SYT14: variants seen among roughly 807,000 people sequenced by gnomAD.
SYT14 encodes the protein synaptotagmin-14.
SYT14 carries 32 observed loss-of-function variants against 74.2 expected under a neutral mutation model. The observed-to-expected ratio is 0.43, with a 90% CI of 0.33 to 0.58. The LOEUF (loss-of-function observed/expected upper bound fraction) is 0.58. SYT14 is among the 20% of genes least tolerant of loss of function. The pLI, the probability that SYT14 is intolerant of heterozygous loss-of-function variation, is 0.05. For synonymous variants in SYT14, 298 were observed against 337.7 expected, an observed-to-expected ratio of 0.88 and a Z score of 1.29; for missense variants, 791 against 981.8, an observed-to-expected ratio of 0.81 and a Z score of 2.60.
chr1:210,080,170 A>G (rs528318099), intron 5 of SYT14, among the ~76,000 whole-genome samples: 2 of 152,336 alleles, frequency 1.3e-5, no homozygotes, highest in African/African-American at 4.8e-5. Context: ...ATGGATTTGA[A>G]ATATCTACTC....
rs1460731332 is a variant in SYT14 at position 210,121,710 on chromosome 1, C to T, written c.2034+21249C>T. On this transcript the variant is annotated intron_variant, in intron 7 of 9. Coordinates refer to ENST00000637265, the Ensembl canonical transcript of SYT14. Reference sequence around the variant, plus strand: ...TCGGGAGGCTGAGGCAGGAGAATGGCGTGAACCCAGGAGGCAGAGCTTGCA... The same window carrying T: ...TCGGGAGGCTGAGGCAGGAGAATGGTGTGAACCCAGGAGGCAGAGCTTGCA... Among the ~76,000 whole-genome samples the T allele has an allele frequency of 6.0e-5, 9 of 151,114 alleles. No homozygotes were observed. In the South Asian group the frequency reaches 8.4e-4, roughly 14 times the overall value.
At chr1:209,968,912 T>G (rs937491015) in intron 2 of SYT14, among the ~76,000 whole-genome samples, 5 of 152,036 alleles carry the variant, frequency 3.3e-5, no homozygotes, top group African/African-American at 1.2e-4. Flanking sequence ...TCCCCACTCT[T>G]ATAGTCCCCA....
At chr1:210,045,042 G>T (rs1015943091) in intron 5 of SYT14, among the ~76,000 whole-genome samples, 1 of 152,052 alleles carries the variant, frequency 6.6e-6, no homozygotes. Flanking sequence ...ATTTGAGGGG[G>T]ACAGACATCC....
intron 8 of SYT14, among the ~76,000 whole-genome samples, chr1:210,158,367 A>T (rs2083309157): frequency 6.6e-6 from 1 of 152,194 alleles, no homozygotes; most frequent in Non-Finnish European, 1.5e-5. Context: ...GATTGTTAGC[A>T]CTGTGTTGGA....
chr1:209,971,212 C>G (rs995946576), intron 2 of SYT14, among the ~76,000 whole-genome samples: 2 of 152,044 alleles, frequency 1.3e-5, no homozygotes, highest in Non-Finnish European at 2.9e-5. Context: ...AGAAATGCTG[C>G]CGATTTTTGT....
intron 7 of SYT14, among the ~76,000 whole-genome samples, chr1:210,122,581 G>A (rs1001717920): frequency 1.5e-4 from 23 of 149,962 alleles, no homozygotes; most frequent in African/African-American, 5.1e-4. Flanking sequence ...TTTTTTTTTA[G>A]GTTCCACATA....
At chr1:209,958,359 G>C (rs1223543271) in intron 2 of SYT14, among the ~76,000 whole-genome samples, 1 of 151,592 alleles carries the variant, frequency 6.6e-6, no homozygotes, top group African/African-American at 2.4e-5. Flanking sequence ...TAATGTTATA[G>C]CTATTTCTGG....
chr1:210,088,702 G>A (rs2081795013), intron 5 of SYT14, among the ~76,000 whole-genome samples: 1 of 151,760 alleles, frequency 6.6e-6, no homozygotes, highest in Non-Finnish European at 1.5e-5. Flanking sequence ...GGATGAAGCT[G>A]GAAACCATCA....
rs67430639 is a variant in SYT14, at chr1:210,124,244, G to GAAA, written c.2034+23792_2034+23794dup. ...AACCCATTAATTAGAAGACAGAAAT[G>GAAA]AAAAAAAAAAATAAATAAATAACTC... On this transcript the variant is annotated intron_variant, in intron 7 of 9. Coordinates refer to ENST00000637265, the Ensembl canonical transcript of SYT14. 4.3e-5 allele frequency among the ~76,000 whole-genome samples: 6 copies of GAAA among 140,258 alleles called. No individual in the cohort carries two copies. In the East Asian group the frequency reaches 6.0e-4, roughly 14 times the overall value. The allele number at this position is 140,258 out of a possible 152,430, so 92.0% of individuals were successfully genotyped here.
chr1:209,977,556 A>G (rs2079391053), intron 2 of SYT14, among the ~76,000 whole-genome samples: 1 of 152,098 alleles, frequency 6.6e-6, no homozygotes, highest in Non-Finnish European at 1.5e-5. Context: ...TGGCTTGTAG[A>G]GTTTCTGCCG....
chr1:210,094,837 G>GT (rs934902176), intron 6 of SYT14, among the ~76,000 whole-genome samples: 1 of 149,590 alleles, frequency 6.7e-6, no homozygotes, highest in South Asian at 2.2e-4. Context: ...ACCTAAAGAT[G>GT]TTTTTTTTAA....
In SYT14 at chr1:210,002,606, A is replaced by T. The variant is rs1332678518; in HGVS notation, c.-485-11027A>T. Among the ~76,000 whole-genome samples the T allele has an allele frequency of 1.6e-4, 25 of 152,110 alleles. 1 individual carries two copies. The highest frequency in any genetic ancestry group is 1.6e-3 in the Admixed American group (25 of 15,266). ...TTCCAATTGCTCCACTTCCTAACGA[A>T]TACTTCATATTACAAGATCTAAATT... is the stretch of plus-strand genomic sequence containing the variant. On this transcript the variant is annotated intron_variant, in intron 2 of 9. Coordinates refer to ENST00000637265, the Ensembl canonical transcript of SYT14.
chr1:209,995,854 G>C (rs901079529), intron 2 of SYT14, among the ~76,000 whole-genome samples: 1 of 151,000 alleles, frequency 6.6e-6, no homozygotes, highest in Non-Finnish European at 1.5e-5. Context: ...ACAAGTACAT[G>C]GAAATTAAAC....
chr1:209,946,344 A>C (rs2078823435), intron 1 of SYT14, among the ~76,000 whole-genome samples: 1 of 152,232 alleles, frequency 6.6e-6, no homozygotes, highest in Non-Finnish European at 1.5e-5. Context: ...CAGTAGGTGA[A>C]GTTGTGAATG....
intron 5 of SYT14, among the ~76,000 whole-genome samples, chr1:210,089,252 G>A (rs933930012): frequency 4.6e-5 from 7 of 152,270 alleles, no homozygotes; most frequent in Middle Eastern, 6.8e-3. Context: ...GTGTATTTGT[G>A]CCACATTTTC....
chr1:210,128,063 A>G (rs908520639), intron 7 of SYT14, among the ~76,000 whole-genome samples: 1 of 151,310 alleles, frequency 6.6e-6, no homozygotes, highest in Non-Finnish European at 1.5e-5. Flanking sequence ...ATCTATGACT[A>G]TTAATTATTT....
At chr1:210,115,711 T>A (rs1418237324) in intron 7 of SYT14, among the ~76,000 whole-genome samples, 1 of 151,064 alleles carries the variant, frequency 6.6e-6, no homozygotes, top group East Asian at 1.9e-4. Flanking sequence ...CGATTTAAAA[T>A]TGGTGAGATG....
In SYT14 at chr1:210,098,408, A is replaced by C. The variant is rs145493398; in HGVS notation, c.1585-1604A>C. On this transcript the variant is annotated intron_variant, in intron 6 of 9. Coordinates refer to ENST00000637265, the Ensembl canonical transcript of SYT14. ...CAGGGTGAGCAGGGGGCTTTGCTCT[A>C]TGAGATTATTCAGGAACCCAGTTCC... 1.3e-3 allele frequency among the ~76,000 whole-genome samples: 201 copies of C among 152,262 alleles called. 1 individual carries two copies. The highest frequency in any genetic ancestry group is 2.5e-3 in the Non-Finnish European group (169 of 68,020).
At chr1:209,973,245 T>C (rs868458792) in intron 2 of SYT14, among the ~76,000 whole-genome samples, 1 of 152,168 alleles carries the variant, frequency 6.6e-6, no homozygotes, top group Non-Finnish European at 1.5e-5. Context: ...AGTTTTAGGG[T>C]ACATGTGCAC....
Sources: gnomAD v4.1 joint callset for allele counts (sites outside exome capture counted in the v4.1 genomes callset) on GRCh38, gnomAD v4.1.1 for gene constraint, MANE v1.5 for transcripts, NCBI Gene and HGNC (gene_info 2026-07-23, HGNC 2026-07-21) for gene names.